The following SH3BGRL2 variants were observed in gnomAD, a reference collection of about 807,000 sequenced individuals.
The protein encoded by SH3BGRL2 is SH3 domain binding glutamate rich protein like 2, also known as SH3 domain-binding glutamic acid-rich-like protein 2.
SH3BGRL2 carries 21 observed loss-of-function variants against 14.8 expected under a neutral mutation model. That is an observed-to-expected ratio of 1.42 (90% CI 1.01 to 2.05). The LOEUF (loss-of-function observed/expected upper bound fraction) is 2.05, where lower values mean the gene tolerates loss of function less well. SH3BGRL2 is among the 30% of genes most tolerant of loss of function. The pLI, the probability that SH3BGRL2 is intolerant of heterozygous loss-of-function variation, is 0.00. For synonymous variants in SH3BGRL2, 50 were observed against 47.8 expected (o/e 1.05, Z -0.19); for missense variants, 147 against 130.8 (o/e 1.12, Z -0.61).
At chr6:79,606,296 T>C in the SH3BGRL2 span, among the ~76,000 whole-genome samples, 1 of 152,244 alleles carries the variant, frequency 6.6e-6, no homozygotes, top group Non-Finnish European at 1.5e-5. Context: ...TGGTGGGACA[T>C]GCATGACTAA....
chr6:79,634,681 G>A (rs952696284), intron 1 of SH3BGRL2, among the ~76,000 whole-genome samples: 4 of 152,164 alleles, frequency 2.6e-5, no homozygotes, highest in African/African-American at 4.8e-5. Context: ...AATAGAGGGT[G>A]TGATCTGTGT....
At chr6:79,575,438 C>T in the SH3BGRL2 span, 11 of 152,226 alleles carry the variant, frequency 7.2e-5, 1 homozygote, top group East Asian at 9.6e-4. Flanking sequence ...GGTTTATACT[C>T]ATTTAAAAAT....
At position 79,643,401 on chromosome 6, in the gene SH3BGRL2, A is replaced by G. The variant is rs1769069370; in HGVS notation, c.45+11895A>G. 3.9e-5 allele frequency among the ~76,000 whole-genome samples: 6 copies of G among 152,212 alleles called. 1 individual carries two copies. In the South Asian group the frequency reaches 1.2e-3, roughly 32 times the overall value. On this transcript the variant is annotated intron_variant, in intron 1 of 3. Coordinates refer to ENST00000369838, the MANE Select transcript of SH3BGRL2 (RefSeq NM_031469.4). ...AGCTCAAGCTGTAATAAAGAGAGGG[A>G]ATTGTGCAGGACTCCTGAGGAGTGG...
At chr6:79,610,790 A>G in the SH3BGRL2 span, among the ~76,000 whole-genome samples, 37 of 152,178 alleles carry the variant, frequency 2.4e-4, no homozygotes, top group African/African-American at 8.2e-4. Flanking sequence ...CCCATAACTT[A>G]CATTGAACGT....
the SH3BGRL2 span, among the ~76,000 whole-genome samples, chr6:79,540,411 G>GAGCACT: frequency 3.3e-5 from 5 of 151,740 alleles, no homozygotes; most frequent in African/African-American, 1.2e-4. Context: ...CTCCAGCCTG[G>GAGCACT]GCAACAGAGC....
the SH3BGRL2 span, among the ~76,000 whole-genome samples, chr6:79,563,379 TG>T: frequency 6.6e-6 from 1 of 152,072 alleles, no homozygotes; most frequent in Non-Finnish European, 1.5e-5. Context: ...CCTGAAGTGC[TG>T]GGATTACAGG....
chr6:79,569,123 TAC>T, the SH3BGRL2 span, among the ~76,000 whole-genome samples: 1 of 152,180 alleles, frequency 6.6e-6, no homozygotes, highest in African/African-American at 2.4e-5. Context: ...ATGTACGATA[TAC>T]ATTGGTTCTG....
chr6:79,555,031 G>GA, the SH3BGRL2 span, among the ~76,000 whole-genome samples: 3 of 151,818 alleles, frequency 2.0e-5, no homozygotes, highest in Admixed American at 1.3e-4. Context: ...CCTACATAAA[G>GA]AAAAAAATCT....
the SH3BGRL2 span, among the ~76,000 whole-genome samples, chr6:79,563,347 G>A: frequency 4.6e-5 from 7 of 150,630 alleles, no homozygotes; most frequent in Middle Eastern, 3.2e-3. Context: ...TCCTGACCTC[G>A]TTAACCCCCC....
chr6:79,660,077 G>T (rs770394248), intron 1 of SH3BGRL2, among the ~76,000 whole-genome samples: 2 of 152,108 alleles, frequency 1.3e-5, no homozygotes, highest in Admixed American at 6.6e-5. Flanking sequence ...CAATCATGCC[G>T]TCTGCAAACA....
At chr6:79,682,220 A>G (rs1770001856) in intron 2 of SH3BGRL2, among the ~76,000 whole-genome samples, 1 of 152,186 alleles carries the variant, frequency 6.6e-6, no homozygotes, top group Non-Finnish European at 1.5e-5. Context: ...TGAGAATGGG[A>G]AAAAGGGGGA....
intron 2 of SH3BGRL2, among the ~76,000 whole-genome samples, chr6:79,694,302 C>G (rs551241347): frequency 6.6e-6 from 1 of 152,296 alleles, no homozygotes; most frequent in South Asian, 2.1e-4. Context: ...CCTCTTCCTC[C>G]TCTTACCACG....
At chr6:79,633,530 C>T (rs997355728) in intron 1 of SH3BGRL2, among the ~76,000 whole-genome samples, 1 of 152,078 alleles carries the variant, frequency 6.6e-6, no homozygotes, top group African/African-American at 2.4e-5. Flanking sequence ...CCCTCAATGC[C>T]CTGCCTCGTA....
intron 2 of SH3BGRL2, among the ~76,000 whole-genome samples, chr6:79,683,133 T>C (rs1386971074): frequency 4.6e-5 from 7 of 152,154 alleles, no homozygotes. Flanking sequence ...ACCAATATGG[T>C]ACATGTATAC....
At chr6:79,636,354 A>G (rs1768922708) in intron 1 of SH3BGRL2, among the ~76,000 whole-genome samples, 2 of 152,102 alleles carry the variant, frequency 1.3e-5, no homozygotes, top group Non-Finnish European at 2.9e-5. Context: ...CGCACAGAGA[A>G]CTGCCCTATC....
intron 1 of SH3BGRL2, among the ~76,000 whole-genome samples, chr6:79,642,125 A>G (rs1769045590): frequency 1.3e-5 from 2 of 152,180 alleles, no homozygotes; most frequent in African/African-American, 2.4e-5. Context: ...TGTGGGTTCC[A>G]TATTTGTGGA....
intron 2 of SH3BGRL2, among the ~76,000 whole-genome samples, chr6:79,692,379 T>A (rs563908730): frequency 6.6e-6 from 1 of 152,340 alleles, no homozygotes; most frequent in African/African-American, 2.4e-5. Flanking sequence ...CATTTGTCAA[T>A]TTTGGCTTTT....
chr6:79,667,273 T>C (rs1769678940), intron 1 of SH3BGRL2, among the ~76,000 whole-genome samples: 1 of 152,184 alleles, frequency 6.6e-6, no homozygotes, highest in African/African-American at 2.4e-5. Flanking sequence ...AGCTTGGCGC[T>C]TGCCTTGTTT....
At chr6:79,679,373 C>A (rs1157792397) in intron 2 of SH3BGRL2, among the ~76,000 whole-genome samples, 1 of 146,758 alleles carries the variant, frequency 6.8e-6, no homozygotes, top group Admixed American at 6.8e-5. Context: ...TAATGATGAA[C>A]ATTTTTTTTT....
Sources: gnomAD v4.1 joint callset for allele counts (sites outside exome capture counted in the v4.1 genomes callset) on GRCh38, gnomAD v4.1.1 for gene constraint, MANE v1.5 for transcripts, NCBI Gene and HGNC (gene_info 2026-07-23, HGNC 2026-07-21) for gene names.